ZNHIT6: variants seen among roughly 807,000 people sequenced by gnomAD.
The protein encoded by ZNHIT6 is box C/D snoRNA protein 1.
Under a neutral mutation model 57.2 loss-of-function variants are expected in ZNHIT6, and 45 were observed. The ratio of observed to expected loss-of-function variants is 0.79; its 90% CI spans 0.62 to 1.01. The LOEUF (loss-of-function observed/expected upper bound fraction) is 1.01. Ranked by LOEUF, ZNHIT6 falls within the 50% of genes least tolerant of loss-of-function variation. The pLI is 0.00. For missense variants in ZNHIT6, 528 were observed against 567.3 expected (o/e 0.93, Z 0.70); for synonymous variants, 188 against 190.0 (o/e 0.99, Z 0.09).
At chr1:85,691,454 C>T (rs1662216438) in intron 5 of ZNHIT6, among the ~76,000 whole-genome samples, 1 of 152,184 alleles carries the variant, frequency 6.6e-6, no homozygotes, top group African/African-American at 2.4e-5. Flanking sequence ...CAGTACAAGA[C>T]TCAAAAATGA....
In ZNHIT6 at chr1:85,708,371, C is replaced by G. The variant is rs76622062; in HGVS notation, c.-87G>C. The G allele has an allele frequency of 6.7e-7, 1 of 1,484,856 alleles. No homozygotes were observed. The highest frequency in any genetic ancestry group is 1.4e-5 in the African/African-American group (1 of 71,848). 92.0% of individuals were successfully genotyped at this position (1,484,856 alleles called of 1,614,324 possible). A position where few individuals can be genotyped will look rare whatever the true frequency, so the allele number is the denominator to read the frequency against. On this transcript the variant is annotated 5_prime_UTR_variant, in exon 1 of 10. Transcript: ENST00000370574. ...TAGGAGGAATTACCGGTCGGAATAC[C>G]TACGGCGGCCCACGTGTGGAGCCAA... is the stretch of plus-strand genomic sequence containing the variant.
Position 85,706,347 on chromosome 1 carries a change from C to T in ZNHIT6, c.731G>A (p.Cys244Tyr), listed in dbSNP as rs1189402902. 6.2e-7 allele frequency: 1 copy of T among 1,613,796 alleles called. No homozygotes were observed. Among genetic ancestry groups the T allele is most frequent in the East Asian group, 2.2e-5 (1 of 44,836 alleles). Residue 244 changes from cysteine to tyrosine, a missense_variant, in exon 3 of 10, where the codon TGT becomes TAT. Cys to Tyr is a radical substitution (Grantham distance 194, BLOSUM62 -2). Transcript: ENST00000370574. ...CAGTTCTGCTTTGTGTTTCTTTACA[C>T]AGGGCAAACTGAAAAGACAAAGGGG... ...RCMRYSCSLP[C>Y]VKKHKAELTC...
intron 8 of ZNHIT6, among the ~76,000 whole-genome samples, chr1:85,666,062 A>G (rs1229969501): frequency 6.6e-6 from 1 of 152,202 alleles, no homozygotes; most frequent in Non-Finnish European, 1.5e-5. Context: ...ACAAATATTT[A>G]CTGAGAGTCT....
At chr1:85,690,751 C>A (rs545453030) in intron 5 of ZNHIT6, among the ~76,000 whole-genome samples, 37 of 152,236 alleles carry the variant, frequency 2.4e-4, no homozygotes, top group African/African-American at 8.7e-4. Context: ...CTTGGCTGGG[C>A]GGGGTAGCTC....
At chr1:85,670,738 CTAAT>C (rs1353634844) in intron 8 of ZNHIT6, among the ~76,000 whole-genome samples, 1 of 152,058 alleles carries the variant, frequency 6.6e-6, no homozygotes, top group East Asian at 1.9e-4. Context: ...ACACTGGTAA[CTAAT>C]AGTCTACATA....
intron 5 of ZNHIT6, among the ~76,000 whole-genome samples, chr1:85,682,862 G>A (rs1661916667): frequency 6.6e-6 from 1 of 152,184 alleles, no homozygotes; most frequent in Admixed American, 6.5e-5. Flanking sequence ...AACAGTAGAT[G>A]ATTCTTTATA....
rs1660903569 is a variant in ZNHIT6 at position 85,651,363 on chromosome 1, G to C, written c.*2695C>G. The C allele has an allele frequency of 6.6e-6, 1 of 151,924 alleles. No individual in the cohort carries two copies. The highest frequency in any genetic ancestry group is 1.5e-5 in the Non-Finnish European group (1 of 68,014). 9.4% of individuals were successfully genotyped at this position (151,924 alleles called of 1,614,324 possible). A position where few individuals can be genotyped will look rare whatever the true frequency, so the allele number is the denominator to read the frequency against. On this transcript the variant is annotated 3_prime_UTR_variant, in exon 10 of 10. Transcript: ENST00000370574. The stretch of plus-strand genomic sequence containing the variant: ...AGTGATTCTCGTGCCCCAGCTTCCT[G>C]AGTAGCTGGAATTACAGGTGCCTGC...
chr1:85,676,847 T>C (rs1335235490), intron 8 of ZNHIT6, among the ~76,000 whole-genome samples: 2 of 152,236 alleles, frequency 1.3e-5, no homozygotes, highest in African/African-American at 2.4e-5. Flanking sequence ...CTGTGACACA[T>C]AGACTTGAAC....
At chr1:85,700,767 C>T (rs1017201371) in intron 5 of ZNHIT6, among the ~76,000 whole-genome samples, 3 of 152,176 alleles carry the variant, frequency 2.0e-5, no homozygotes, top group Non-Finnish European at 2.9e-5. Flanking sequence ...AGTTTCAAAA[C>T]GCACAAAAGA....
In ZNHIT6 at chr1:85,670,795, A is replaced by G. The variant is rs17128046; in HGVS notation, c.1247+6441T>C. ...AGGACAAATGGAAGACTCATTGTGG[A>G]TGTCAATTACACAAGGTAAGGTGGC... On this transcript the variant is annotated intron_variant, in intron 8 of 9. Coordinates refer to ENST00000370574, the MANE Select transcript of ZNHIT6 (RefSeq NM_017953.4). Among the ~76,000 whole-genome samples, 1,430 of 152,288 alleles carry G rather than the reference A, an allele frequency of 9.4e-3. 58 individuals carry two copies. The highest frequency in any genetic ancestry group is 0.063 in the Admixed American group (958 of 15,276).
chr1:85,692,198 A>C (rs1662240388), intron 5 of ZNHIT6, among the ~76,000 whole-genome samples: 1 of 152,076 alleles, frequency 6.6e-6, no homozygotes, highest in Admixed American at 6.6e-5. Context: ...TAAGAAAGGG[A>C]CACATTTTAG....
chr1:85,676,482 C>T (rs966668328), intron 8 of ZNHIT6, among the ~76,000 whole-genome samples: 12 of 152,196 alleles, frequency 7.9e-5, no homozygotes, highest in East Asian at 1.9e-4. Context: ...CAGCCTATCT[C>T]GGCTTTCAAC....
chr1:85,677,222 G>T lies in ZNHIT6; in HGVS notation c.1247+14C>A, dbSNP rs762185898. 1 of 1,570,318 alleles carries T rather than the reference G, an allele frequency of 6.4e-7. No homozygotes were observed. The highest frequency in any genetic ancestry group is 1.4e-5 in the African/African-American group (1 of 73,052). On this transcript the variant is annotated intron_variant, in intron 8 of 9. Transcript: ENST00000370574. ...AAAAAATATTTAAAGAAATGGGGAG[G>T]GGAGCAATTTTACCTTACTAAATTT...
At chr1:85,662,778 T>C (rs941362685) in intron 8 of ZNHIT6, among the ~76,000 whole-genome samples, 3 of 152,184 alleles carry the variant, frequency 2.0e-5, no homozygotes, top group Non-Finnish European at 4.4e-5. Flanking sequence ...GGAGAGTAGA[T>C]CATGAATTGT....
chr1:85,674,231 G>A (rs1661642277), intron 8 of ZNHIT6, among the ~76,000 whole-genome samples: 1 of 152,190 alleles, frequency 6.6e-6, no homozygotes, highest in South Asian at 2.1e-4. Context: ...GAATTTGGAA[G>A]ATAAGCTTTC....
intron 5 of ZNHIT6, among the ~76,000 whole-genome samples, chr1:85,699,917 G>C (rs1212488758): frequency 2.0e-5 from 3 of 152,040 alleles, no homozygotes; most frequent in African/African-American, 4.8e-5. Flanking sequence ...CAAGAAAAGA[G>C]GTTCACAATG....
chr1:85,704,478 C>T (rs1203626226), intron 4 of ZNHIT6, among the ~76,000 whole-genome samples: 1 of 152,074 alleles, frequency 6.6e-6, no homozygotes, highest in East Asian at 1.9e-4. Context: ...TGGCATGGAA[C>T]TTCTGGGAAG....
rs748234667 is a variant in ZNHIT6 at position 85,708,317 on chromosome 1, T to G, written c.-33A>C. 6.4e-7 allele frequency: 1 copy of G among 1,560,090 alleles called. No individual in the cohort carries two copies. The highest frequency in any genetic ancestry group is 1.8e-5 in the Admixed American group (1 of 57,080). ...CGATCCTTGGCCTCTGCTGCCACTC[T>G]ATCCTTCAATGTGGCTGCTGCACAC... On this transcript the variant is annotated 5_prime_UTR_variant, in exon 1 of 10. Coordinates refer to ENST00000370574, the MANE Select transcript of ZNHIT6 (RefSeq NM_017953.4).
Position 85,701,565 on chromosome 1 carries a change from C to T in ZNHIT6, c.1019+592G>A, listed in dbSNP as rs1662529375. On this transcript the variant is annotated intron_variant, in intron 5 of 9. Transcript: ENST00000370574. ...GTACTCAAGAGTTCAAAGTCCCCTT[C>T]TTCTACATTGACAGCTTTTAATTGA... 2.0e-5 allele frequency among the ~76,000 whole-genome samples: 3 copies of T among 152,180 alleles called. No individual in the cohort carries two copies. In the South Asian group the frequency reaches 6.2e-4, roughly 31 times the overall value.
Sources: gnomAD v4.1 joint callset for allele counts (sites outside exome capture counted in the v4.1 genomes callset) on GRCh38, gnomAD v4.1.1 for gene constraint, MANE v1.5 for transcripts, NCBI Gene and HGNC (gene_info 2026-07-23, HGNC 2026-07-21) for gene names.